The following STAU1 variants were observed in gnomAD, a reference collection of about 807,000 sequenced individuals.
The protein encoded by STAU1 is double-stranded RNA-binding protein Staufen homolog 1.
In STAU1, 13 loss-of-function variants were observed where a neutral mutation model predicts 62.9. The ratio of observed to expected loss-of-function variants is 0.21; its 90% CI spans 0.13 to 0.33. The LOEUF is 0.33. STAU1 is among the 10% of genes least tolerant of loss of function. The pLI, the probability that STAU1 is intolerant of heterozygous loss-of-function variation, is 1.00. For missense variants in STAU1, 571 were observed against 712.1 expected (o/e 0.80, Z 2.25); for synonymous variants, 269 against 265.1 (o/e 1.01, Z -0.14).
intron 3 of STAU1, among the ~76,000 whole-genome samples, chr20:49,165,752 T>C (rs1286922462): frequency 6.6e-6 from 1 of 152,228 alleles, no homozygotes; most frequent in African/African-American, 2.4e-5. Flanking sequence ...TGAGGCTTTA[T>C]AGTGTGAGTA....
upstream of STAU1, among the ~76,000 whole-genome samples, chr20:49,188,964 G>T (rs897459143): frequency 2.0e-5 from 3 of 152,090 alleles, no homozygotes; most frequent in African/African-American, 7.2e-5. Context: ...ACTTTGGGAG[G>T]CCGAGGCGGG....
In STAU1 at chr20:49,177,152, C is replaced by T. The variant is rs548791331; in HGVS notation, c.-159-2883G>A. ...GTCTCGATCTCCTGACCTCGTGATCCGCCCACCTCGGCCTCCCAAAGTGCT... is the reference window on the plus strand; with the variant it reads ...GTCTCGATCTCCTGACCTCGTGATCTGCCCACCTCGGCCTCCCAAAGTGCT... On this transcript the variant is annotated intron_variant, in intron 1 of 13. Coordinates refer to ENST00000371856, the MANE Select transcript of STAU1 (RefSeq NM_017453.4). Among the ~76,000 whole-genome samples the T allele has an allele frequency of 8.9e-4, 135 of 151,894 alleles. 1 individual carries two copies. The highest frequency in any genetic ancestry group is 2.9e-3 in the South Asian group (14 of 4,818).
At chr20:49,149,788 A>G (rs1165187956) in intron 5 of STAU1, among the ~76,000 whole-genome samples, 2 of 151,992 alleles carry the variant, frequency 1.3e-5, no homozygotes, top group Non-Finnish European at 1.5e-5. Context: ...CAGCGTAACA[A>G]AAGAAAAACA....
upstream of STAU1, among the ~76,000 whole-genome samples, chr20:49,190,198 G>C (rs1025993452): frequency 1.3e-5 from 2 of 152,176 alleles, no homozygotes; most frequent in Non-Finnish European, 2.9e-5. Context: ...TCTCGTCAAA[G>C]GTGATTTTGC....
intron 3 of STAU1, among the ~76,000 whole-genome samples, chr20:49,163,166 C>T (rs547993112): frequency 5.4e-5 from 8 of 149,108 alleles, no homozygotes; most frequent in African/African-American, 1.7e-4. Context: ...CACTCTAGCC[C>T]GGCGACAGAG....
the STAU1 span, among the ~76,000 whole-genome samples, chr20:49,195,918 G>GAAAAAAA: frequency 8.3e-3 from 615 of 74,324 alleles, 2 homozygotes; most frequent in Middle Eastern, 0.024. Flanking sequence ...AAAAAAAAAA[G>GAAAAAAA]AAAAAAGAAA....
the STAU1 span, among the ~76,000 whole-genome samples, chr20:49,212,607 C>A: frequency 4.3e-4 from 8 of 18,400 alleles, no homozygotes; most frequent in Non-Finnish European, 9.4e-4. Flanking sequence ...AAAACGGAAG[C>A]TATTGGAATT....
chr20:49,166,087 T>G lies in STAU1; in HGVS notation c.115A>C (p.Thr39Pro), dbSNP rs769641260. 2.0e-5 allele frequency: 32 copies of G among 1,614,080 alleles called. 1 individual carries two copies. The South Asian group carries it at 3.4e-4, about 17-fold the overall frequency. ...GCATTTTCAGAGGGCAGAGAGCTAG[T>G]AGTAGAAGGAATACTCATCAAAGGC... is the stretch of plus-strand genomic sequence containing the variant. ...SQPLMSIPST[T>P]SSLPSENAGR... Residue 39 changes from threonine to proline, a missense_variant, in exon 3 of 14, where the codon ACT becomes CCT. Transcript: ENST00000371856.
chr20:49,139,783 CA>C (rs1208676335), intron 5 of STAU1, among the ~76,000 whole-genome samples: 4 of 151,368 alleles, frequency 2.6e-5, no homozygotes, highest in Non-Finnish European at 5.9e-5. Flanking sequence ...TGGCTGCTAT[CA>C]AAAGAAATGG....
chr20:49,164,958 T>G (rs1259894837), intron 3 of STAU1, among the ~76,000 whole-genome samples: 3 of 152,204 alleles, frequency 2.0e-5, no homozygotes, highest in Non-Finnish European at 4.4e-5. Flanking sequence ...GCTGCCCCCT[T>G]GCTTGGGATA....
At chr20:49,143,345 A>G (rs982407841) in intron 5 of STAU1, among the ~76,000 whole-genome samples, 1 of 152,178 alleles carries the variant, frequency 6.6e-6, no homozygotes, top group African/African-American at 2.4e-5. Context: ...TAATCTCTGC[A>G]CTTTGAGAGG....
the STAU1 span, among the ~76,000 whole-genome samples, chr20:49,203,578 G>A: frequency 6.6e-6 from 1 of 152,204 alleles, no homozygotes; most frequent in Non-Finnish European, 1.5e-5. Flanking sequence ...TTGGGGATAA[G>A]AGAAGAAAGA....
chr20:49,174,345 T>C (rs191485831), intron 1 of STAU1, 76 bp from the exon 2 acceptor site: 1 of 152,216 alleles, frequency 6.6e-6, no homozygotes, highest in Admixed American at 6.5e-5. Flanking sequence ...GCTCAAGTTT[T>C]GGGGAAACCT....
the STAU1 span, among the ~76,000 whole-genome samples, chr20:49,206,381 C>T: frequency 2.0e-5 from 3 of 149,930 alleles, no homozygotes; most frequent in African/African-American, 7.3e-5. Context: ...AAACAATGTC[C>T]ACTCAACTCT....
intron 12 of STAU1, 117 bp from the exon 13 acceptor site, chr20:49,115,984 C>A (rs1176061191): frequency 2.7e-6 from 2 of 737,032 alleles, no homozygotes; most frequent in Non-Finnish European, 4.7e-6. Flanking sequence ...GCAACTTCTT[C>A]AACTCTGGTA....
chr20:49,137,524 T>A lies in STAU1; in HGVS notation c.511-1593A>T, dbSNP rs2092913661. 2.0e-5 allele frequency among the ~76,000 whole-genome samples: 3 copies of A among 152,182 alleles called. No homozygotes were observed. In the South Asian group the frequency reaches 6.2e-4, roughly 31 times the overall value. On this transcript the variant is annotated intron_variant, in intron 5 of 13. Coordinates refer to ENST00000371856, the MANE Select transcript of STAU1 (RefSeq NM_017453.4). ...CATTATTGCTTATTTTGTCAAAGAATTTATAAAGTCCTGCTTCTGAGATTA... is the reference window on the plus strand; with the variant it reads ...CATTATTGCTTATTTTGTCAAAGAAATTATAAAGTCCTGCTTCTGAGATTA...
chr20:49,210,918 C>T, the STAU1 span, among the ~76,000 whole-genome samples: 1 of 152,118 alleles, frequency 6.6e-6, no homozygotes, highest in Non-Finnish European at 1.5e-5. Context: ...ACATTTTAAT[C>T]ACTCCAAAAG....
At chr20:49,198,238 G>A in the STAU1 span, among the ~76,000 whole-genome samples, 6 of 151,996 alleles carry the variant, frequency 3.9e-5, no homozygotes, top group African/African-American at 7.2e-5. Context: ...AAAATAGGCC[G>A]GGCGCGGTGG....
chr20:49,175,743 C>A (rs1362629082), intron 1 of STAU1, among the ~76,000 whole-genome samples: 1 of 151,596 alleles, frequency 6.6e-6, no homozygotes, highest in Non-Finnish European at 1.5e-5. Flanking sequence ...CCCACCTCAG[C>A]CTCCCAAAGT....
Sources: allele counts gnomAD v4.1 joint callset (sites outside exome capture counted in the v4.1 genomes callset), GRCh38; gene constraint gnomAD v4.1.1; transcripts MANE v1.5; gene names NCBI Gene and HGNC (gene_info 2026-07-23, HGNC 2026-07-21).